The following RAB38 variants were observed in gnomAD, a reference collection of about 807,000 sequenced individuals.
RAB38 encodes the protein RAB38, member RAS oncogene family, also known as ras-related protein Rab-38.
In RAB38, 15 loss-of-function variants were observed where a neutral mutation model predicts 18.4. The observed-to-expected ratio is 0.82, with a 90% CI of 0.55 to 1.26. The LOEUF is 1.26. RAB38 is among the 50% of genes most tolerant of loss of function. RAB38 has a pLI of 0.00. For synonymous variants in RAB38, 101 were observed against 104.4 expected, an observed-to-expected ratio of 0.97 and a Z score of 0.20; for missense variants, 294 against 267.4, an observed-to-expected ratio of 1.10 and a Z score of -0.69.
chr11:88,117,980 C>T (rs111376959), intron 2 of RAB38, among the ~76,000 whole-genome samples: 6 of 152,118 alleles, frequency 3.9e-5, no homozygotes, highest in Non-Finnish European at 7.3e-5. Context: ...GAGCTTCAGA[C>T]AGGGAAAGTG....
In RAB38 at chr11:88,149,822, TAA is replaced by T. The variant is rs1943041318; in HGVS notation, c.334_335del (p.Leu112LysfsTer4). 1.2e-6 allele frequency: 2 copies of T among 1,614,114 alleles called. No homozygotes were observed. The highest frequency in any genetic ancestry group is 1.3e-5 in the African/African-American group (1 of 75,042). On this transcript the variant is annotated frameshift_variant, in exon 2 of 3. Coordinates refer to ENST00000243662, the MANE Select transcript of RAB38 (RefSeq NM_022337.3). LOFTEE classifies it high-confidence loss of function. ...AKWKNDLDSK[L>X]SLPNGKPVSV... ...AAACCGGTTTGCCATTAGGGAGACT[TAA>T]CTTGGAGTCCAAATCATTTTTCCAC...
the RAB38 span, among the ~76,000 whole-genome samples, chr11:88,009,819 C>T: frequency 6.6e-6 from 1 of 152,032 alleles, no homozygotes; most frequent in East Asian, 1.9e-4. Flanking sequence ...TGTCTGTGCT[C>T]TTTATATATA....
chr11:87,804,724 C>T, the RAB38 span, among the ~76,000 whole-genome samples: 1,071 of 152,248 alleles, frequency 7.0e-3, 4 homozygotes, highest in Non-Finnish European at 0.012. Context: ...GCTGGGATAT[C>T]TGCTGTATAC....
the RAB38 span, among the ~76,000 whole-genome samples, chr11:87,829,562 C>G: frequency 7.9e-5 from 12 of 152,186 alleles, no homozygotes; most frequent in South Asian, 4.2e-4. Context: ...CTTGTGAGAA[C>G]TCACTCACTA....
At chr11:88,124,211 T>C (rs1418829046) in intron 2 of RAB38, among the ~76,000 whole-genome samples, 1 of 152,200 alleles carries the variant, frequency 6.6e-6, no homozygotes, top group Non-Finnish European at 1.5e-5. Context: ...GACGTAGGCA[T>C]GGGCAGGGAC....
At chr11:88,101,266 T>A in the RAB38 span, among the ~76,000 whole-genome samples, 1 of 151,958 alleles carries the variant, frequency 6.6e-6, no homozygotes, top group South Asian at 2.1e-4. Context: ...TGGCTTAACA[T>A]TTTTTCATAA....
At chr11:87,865,612 A>G in the RAB38 span, among the ~76,000 whole-genome samples, 1 of 151,720 alleles carries the variant, frequency 6.6e-6, no homozygotes, top group African/African-American at 2.4e-5. Flanking sequence ...TGAAGCCACT[A>G]ACTTTGTGGT....
At chr11:88,173,695 C>T (rs1254734796) in intron 1 of RAB38, 8 of 982,340 alleles carry the variant, frequency 8.1e-6, no homozygotes, top group African/African-American at 1.8e-5. Context: ...TGACATGCAG[C>T]AAGAAAGTAC....
At chr11:88,065,930 G>A in the RAB38 span, among the ~76,000 whole-genome samples, 3 of 152,154 alleles carry the variant, frequency 2.0e-5, no homozygotes, top group Admixed American at 6.5e-5. Context: ...ATGGGAAGTT[G>A]GGAGAGGACA....
At chr11:88,029,843 T>C in the RAB38 span, among the ~76,000 whole-genome samples, 421 of 152,112 alleles carry the variant, frequency 2.8e-3, 3 homozygotes, top group African/African-American at 9.9e-3. Flanking sequence ...TCAACAAGGA[T>C]ACCAGGAATT....
the RAB38 span, among the ~76,000 whole-genome samples, chr11:88,062,266 TC>T: frequency 6.6e-6 from 1 of 152,010 alleles, no homozygotes; most frequent in Non-Finnish European, 1.5e-5. Flanking sequence ...CTCACCGAGA[TC>T]CGATGGTTTT....
At chr11:88,053,103 T>C in the RAB38 span, among the ~76,000 whole-genome samples, 2 of 134,360 alleles carry the variant, frequency 1.5e-5, no homozygotes, top group Middle Eastern at 4.0e-3. Context: ...ATTATATATA[T>C]ACACATATAT....
chr11:87,968,133 T>C, the RAB38 span, among the ~76,000 whole-genome samples: 1 of 152,210 alleles, frequency 6.6e-6, no homozygotes, highest in Non-Finnish European at 1.5e-5. Flanking sequence ...AGATGTTATT[T>C]ATTGTACCTT....
chr11:88,140,400 A>C (rs1276414602), intron 2 of RAB38, among the ~76,000 whole-genome samples: 1 of 152,234 alleles, frequency 6.6e-6, no homozygotes, highest in African/African-American at 2.4e-5. Flanking sequence ...GAATAAAATA[A>C]TCTTTTGAAA....
chr11:88,117,233 C>G (rs149532715), intron 2 of RAB38, among the ~76,000 whole-genome samples: 43 of 152,288 alleles, frequency 2.8e-4, no homozygotes, highest in African/African-American at 9.1e-4. Context: ...CCACTAAGTA[C>G]TAGGCATACC....
intron 2 of RAB38, among the ~76,000 whole-genome samples, chr11:88,145,022 A>G (rs1466393862): frequency 1.3e-5 from 2 of 152,154 alleles, no homozygotes; most frequent in African/African-American, 4.8e-5. Flanking sequence ...TGTGTGCATC[A>G]CGGCTAGATC....
At chr11:88,009,619 G>A in the RAB38 span, among the ~76,000 whole-genome samples, 40,404 of 152,050 alleles carry the variant, frequency 0.27, 6,637 homozygotes, top group Non-Finnish European at 0.37. Flanking sequence ...AGATTTCGAT[G>A]ATTCTGTTGA....
At chr11:88,022,611 C>CCAAAAAAAAAAAA in the RAB38 span, among the ~76,000 whole-genome samples, 1 of 52,092 alleles carries the variant, frequency 1.9e-5, no homozygotes, top group African/African-American at 7.6e-5. Context: ...AAAGACCCCA[C>CCAAAAAAAAAAAA]AAAAAAAAAA....
At chr11:87,848,334 T>C in the RAB38 span, among the ~76,000 whole-genome samples, 5 of 152,172 alleles carry the variant, frequency 3.3e-5, no homozygotes, top group African/African-American at 1.2e-4. Context: ...GCTTGCAGTC[T>C]GTCTTTAACC....
Sources: allele counts gnomAD v4.1 joint callset (sites outside exome capture counted in the v4.1 genomes callset), GRCh38; gene constraint gnomAD v4.1.1; transcripts MANE v1.5; gene names NCBI Gene and HGNC (gene_info 2026-07-23, HGNC 2026-07-21).